RABL6: variants seen among roughly 807,000 people sequenced by gnomAD.
The protein encoded by RABL6 is rab-like protein 6.
A neutral mutation model predicts 72.9 loss-of-function variants in RABL6; 28 were observed. The ratio of observed to expected loss-of-function variants is 0.38; its 90% CI spans 0.28 to 0.53. The LOEUF (loss-of-function observed/expected upper bound fraction) is 0.53. RABL6 is among the 20% of genes least tolerant of loss of function. The probability of loss-of-function intolerance (pLI) is 0.80; values close to 1 mark genes in which losing one functional copy is unlikely to be tolerated. For synonymous variants in RABL6, 477 were observed against 421.2 expected, an observed-to-expected ratio of 1.13 and a Z score of -1.62; for missense variants, 1,029 against 1,008.4, an observed-to-expected ratio of 1.02 and a Z score of -0.28.
In RABL6 at chr9:136,831,650, C is replaced by T. The variant is rs1056460317; in HGVS notation, c.459-71C>T. 11 of 1,594,246 alleles carry T rather than the reference C, an allele frequency of 6.9e-6. No individual in the cohort carries two copies. The Admixed American group carries it at 1.0e-4, about 15-fold the overall frequency. On this transcript the variant is annotated intron_variant, in intron 5 of 14. Coordinates refer to ENST00000311502, the MANE Select transcript of RABL6 (RefSeq NM_024718.5). ...GCCACCATCCTCGGGCCTGGGCGCA[C>T]AGCACCTTTCCAGGGAGGGACAGGG...
chr9:136,831,933 G>A, intron 6 of RABL6, 72 bp downstream of exon 6: 1 of 1,506,560 alleles, frequency 6.6e-7, no homozygotes, highest in South Asian at 1.3e-5. Context: ...TGCTGAGGCA[G>A]AGGCCCAGGG....
rs1848667185 is a variant in RABL6, at chr9:136,840,351, CAAACACAAGA to C, written c.2021_2030del (p.Lys674ArgfsTer93). 6.4e-7 allele frequency: 1 copy of C among 1,564,108 alleles called. No individual in the cohort carries two copies. On this transcript the variant is annotated frameshift_variant, in exon 15 of 15. Transcript: ENST00000311502. LOFTEE classifies it low-confidence loss of function (END_TRUNC). ...AAGAAAAAGCTGCCAAGAAGAAGAG[CAAACACAAGA>C]AGAGCAAGGACAAGGAGGAGGGCAA... is the stretch of plus-strand genomic sequence containing the variant.
intron 6 of RABL6, 81 bp downstream of exon 6, chr9:136,831,942 G>A: frequency 6.7e-7 from 1 of 1,499,910 alleles, no homozygotes; most frequent in Non-Finnish European, 8.9e-7. Flanking sequence ...AGAGGCCCAG[G>A]GAGGGGTTAA....
At position 136,830,181 on chromosome 9, in the gene RABL6, C is replaced by T. The variant is rs139742664; in HGVS notation, c.458+697C>T. 1.5e-3 allele frequency among the ~76,000 whole-genome samples: 226 copies of T among 152,394 alleles called. 1 individual carries two copies. Among genetic ancestry groups the T allele is most frequent in the African/African-American group, 5.2e-3 (216 of 41,600 alleles). On this transcript the variant is annotated intron_variant, in intron 5 of 14. Transcript: ENST00000311502. ...GACACGTCCAGGCATCTGCTCTTCC[C>T]AGCAGTGGGTCTGGCCTGGGGGCCT...
intron 7 of RABL6, chr9:136,834,245 T>C: frequency 3.5e-6 from 4 of 1,145,320 alleles, no homozygotes; most frequent in Non-Finnish European, 3.2e-6. Context: ...CTGACCGTAG[T>C]ACCTAATGTA....
intron 1 of RABL6, among the ~76,000 whole-genome samples, chr9:136,822,885 G>A (rs1001630328): frequency 1.1e-4 from 16 of 152,136 alleles, no homozygotes; most frequent in South Asian, 4.1e-4. Flanking sequence ...TCAGGAGATC[G>A]AGACCACCCT....
At chr9:136,833,952 T>G in intron 7 of RABL6, 1 of 1,546,594 alleles carries the variant, frequency 6.5e-7, no homozygotes, top group Non-Finnish European at 8.7e-7. Context: ...AGCTGCTCCA[T>G]TCCCTAATGG....
chr9:136,810,671 A>G (rs1847991652), intron 1 of RABL6, among the ~76,000 whole-genome samples: 1 of 152,040 alleles, frequency 6.6e-6, no homozygotes, highest in South Asian at 2.1e-4. Flanking sequence ...CCTCCCGAGT[A>G]GCTGGGACTA....
At chr9:136,810,807 C>T (rs1170049176) in intron 1 of RABL6, among the ~76,000 whole-genome samples, 4 of 152,224 alleles carry the variant, frequency 2.6e-5, no homozygotes, top group African/African-American at 2.4e-5. Flanking sequence ...TCTCAAAGTG[C>T]TGGGATTACA....
At chr9:136,813,987 A>G (rs112610160) in intron 1 of RABL6, 5 of 397,820 alleles carry the variant, frequency 1.3e-5, no homozygotes, top group Middle Eastern at 3.7e-4. Context: ...GTATTCTCAC[A>G]TCTTGCTCTT....
intron 13 of RABL6, 74 bp downstream of exon 13, chr9:136,839,939 C>T: frequency 6.5e-7 from 1 of 1,544,358 alleles, no homozygotes; most frequent in East Asian, 2.4e-5. Context: ...CAGCTGCTGG[C>T]CGCTGGCCGG....
At chr9:136,839,605 C>T (rs755795995) in intron 12 of RABL6, 89 bp from the exon 13 acceptor site, 11 of 1,547,728 alleles carry the variant, frequency 7.1e-6, no homozygotes, top group Non-Finnish European at 9.6e-6. Context: ...TGTCCCCACA[C>T]TTGGGCCTTG....
At chr9:136,814,851 G>C (rs1037954864) in intron 1 of RABL6, 1 of 154,988 alleles carries the variant, frequency 6.5e-6, no homozygotes, top group African/African-American at 2.4e-5. Context: ...TCATTTTCCA[G>C]GTGCTTCTTT....
At chr9:136,830,532 G>A (rs985111629) in intron 5 of RABL6, among the ~76,000 whole-genome samples, 8 of 152,270 alleles carry the variant, frequency 5.3e-5, no homozygotes, top group Middle Eastern at 3.2e-3. Flanking sequence ...GGGCGCACAC[G>A]CTGGCCTCAC....
At chr9:136,838,124 T>A in intron 10 of RABL6, 109 bp downstream of exon 10, 1 of 1,327,002 alleles carries the variant, frequency 7.5e-7, no homozygotes, top group Non-Finnish European at 1.0e-6. Context: ...CCCCGCCGGC[T>A]GGTCACTGTT....
At chr9:136,838,652 G>A (rs185270708) in intron 10 of RABL6, among the ~76,000 whole-genome samples, 11 of 152,234 alleles carry the variant, frequency 7.2e-5, no homozygotes, top group Non-Finnish European at 1.3e-4. Flanking sequence ...CTCCACGAGC[G>A]CCCACTTGTG....
intron 1 of RABL6, chr9:136,814,254 T>G: frequency 5.2e-6 from 1 of 191,740 alleles, no homozygotes. Flanking sequence ...GCAATGGTGC[T>G]CACTGCAGCT....
intron 1 of RABL6, among the ~76,000 whole-genome samples, chr9:136,818,615 C>T (rs1020851006): frequency 6.6e-6 from 1 of 151,630 alleles, no homozygotes; most frequent in African/African-American, 2.4e-5. Context: ...CATGGTGGTG[C>T]GTACCTGTAG....
chr9:136,831,922 G>A, intron 6 of RABL6, 61 bp downstream of exon 6: 1 of 1,538,952 alleles, frequency 6.5e-7, no homozygotes, highest in African/African-American at 1.4e-5. Context: ...GCGGGGGAGG[G>A]TGCTGAGGCA....
Sources: allele counts gnomAD v4.1 joint callset (sites outside exome capture counted in the v4.1 genomes callset), GRCh38; gene constraint gnomAD v4.1.1; transcripts MANE v1.5; gene names NCBI Gene and HGNC (gene_info 2026-07-23, HGNC 2026-07-21).